FAT3: variants seen among roughly 807,000 people sequenced by gnomAD.
FAT3 encodes the protein FAT atypical cadherin 3.
Under a neutral mutation model 310.2 loss-of-function variants are expected in FAT3, and 95 were observed. The ratio of observed to expected loss-of-function variants is 0.31; its 90% CI spans 0.26 to 0.36. FAT3 has a LOEUF of 0.36. Among genes scored for constraint, FAT3 ranks in the 10% least tolerant of loss-of-function variants. FAT3 has a pLI of 1.00. For missense variants in FAT3, 5,408 were observed against 5,715.6 expected (o/e 0.95, Z 1.74); for synonymous variants, 2,314 against 2,192.9 (o/e 1.06, Z -1.54).
At chr11:92,396,240 G>C (rs1949866278) in intron 2 of FAT3, among the ~76,000 whole-genome samples, 1 of 152,180 alleles carries the variant, frequency 6.6e-6, no homozygotes, top group Non-Finnish European at 1.5e-5. Flanking sequence ...ATATGATCAT[G>C]AATCTACTTT....
In FAT3 at chr11:92,797,772, G is replaced by A. The variant is rs780605890; in HGVS notation, c.4823-64G>A. ...GCAGTAAGGTACCTATAGATAAAGAGTTAATCAAAAAGATTTCAGTGACCC... is the reference window on the plus strand; with the variant it reads ...GCAGTAAGGTACCTATAGATAAAGAATTAATCAAAAAGATTTCAGTGACCC... On this transcript the variant is annotated intron_variant, in intron 9 of 27. Coordinates refer to ENST00000525166, the MANE Select transcript of FAT3 (RefSeq NM_001367949.2). 1.7e-4 allele frequency: 238 copies of A among 1,416,910 alleles called. 1 individual carries two copies. Among genetic ancestry groups the A allele is most frequent in the Middle Eastern group, 5.6e-4 (3 of 5,366 alleles). 87.8% of individuals were successfully genotyped at this position (1,416,910 alleles called of 1,614,324 possible).
At chr11:92,507,586 C>G (rs1449986858) in intron 2 of FAT3, among the ~76,000 whole-genome samples, 1 of 151,532 alleles carries the variant, frequency 6.6e-6, no homozygotes, top group Non-Finnish European at 1.5e-5. Context: ...TATATCTGTA[C>G]ACCCTATATA....
intron 1 of FAT3, among the ~76,000 whole-genome samples, chr11:92,273,187 C>T (rs1337123518): frequency 6.6e-6 from 1 of 152,082 alleles, no homozygotes; most frequent in Non-Finnish European, 1.5e-5. Flanking sequence ...ATTTTACACC[C>T]CCTGCCATTA....
chr11:92,629,672 A>G (rs1941480636), intron 3 of FAT3, among the ~76,000 whole-genome samples: 1 of 151,882 alleles, frequency 6.6e-6, no homozygotes, highest in Non-Finnish European at 1.5e-5. Flanking sequence ...CAGCCTCCCA[A>G]AGTTCTGGGA....
At chr11:92,361,627 TA>T (rs1948884885) in intron 2 of FAT3, among the ~76,000 whole-genome samples, 1 of 152,028 alleles carries the variant, frequency 6.6e-6, no homozygotes, top group Admixed American at 6.6e-5. Flanking sequence ...CTGTGAGCAA[TA>T]TATTTCTGTT....
At chr11:92,229,007 G>A (rs924829097) in intron 1 of FAT3, among the ~76,000 whole-genome samples, 1 of 152,162 alleles carries the variant, frequency 6.6e-6, no homozygotes, top group African/African-American at 2.4e-5. Flanking sequence ...CTTCTTTGCT[G>A]ATTGTGGCAA....
Position 92,890,807 on chromosome 11 carries a change from T to G in FAT3, c.13464T>G (p.Phe4488Leu), listed in dbSNP as rs1169418336. ...LSPDCRRRPQ[F>L]HPSQYLPPHP... ...CAGACTGCAGGAGAAGGCCCCAGTT[T>G]CATCCTAGCCAGTATCTCCCTCCTC... Residue 4488 changes from phenylalanine to leucine, a missense_variant, in exon 28 of 28, where the codon TTT becomes TTG. Physicochemically the swap from Phe to Leu is conservative, Grantham distance 22. Coordinates refer to ENST00000525166, the MANE Select transcript of FAT3 (RefSeq NM_001367949.2). The G allele has an allele frequency of 6.2e-7, 1 of 1,613,500 alleles. No individual in the cohort carries two copies. The highest frequency in any genetic ancestry group is 1.7e-5 in the Admixed American group (1 of 59,954).
intron 3 of FAT3, among the ~76,000 whole-genome samples, chr11:92,651,122 C>T (rs535120883): frequency 1.3e-5 from 2 of 152,340 alleles, no homozygotes; most frequent in South Asian, 4.1e-4. Context: ...TGCTCATCTC[C>T]TATAGTTCCA....
At chr11:92,470,769 GTACTT>G (rs1211254269) in intron 2 of FAT3, among the ~76,000 whole-genome samples, 1 of 152,048 alleles carries the variant, frequency 6.6e-6, no homozygotes, top group Non-Finnish European at 1.5e-5. Context: ...TTGTAATCTG[GTACTT>G]TTCAAAATTC....
At chr11:92,751,968 C>T (rs1421648055) in intron 4 of FAT3, among the ~76,000 whole-genome samples, 1 of 151,912 alleles carries the variant, frequency 6.6e-6, no homozygotes, top group Admixed American at 6.6e-5. Context: ...AAGTGACAAT[C>T]GTAGGTAAAT....
At chr11:92,474,952 G>A (rs1220113788) in intron 2 of FAT3, among the ~76,000 whole-genome samples, 1 of 152,158 alleles carries the variant, frequency 6.6e-6, no homozygotes, top group Non-Finnish European at 1.5e-5. Flanking sequence ...AAGCAATAAT[G>A]GCTTTCTGAT....
intron 3 of FAT3, among the ~76,000 whole-genome samples, chr11:92,617,157 T>G (rs1156933344): frequency 1.3e-5 from 2 of 152,236 alleles, no homozygotes. Context: ...CTTATATTTC[T>G]TGGAGGCTTT....
chr11:92,550,599 A>T (rs572180590), intron 3 of FAT3, among the ~76,000 whole-genome samples: 1 of 152,164 alleles, frequency 6.6e-6, no homozygotes, highest in African/African-American at 2.4e-5. Context: ...TCCCCTGCTA[A>T]GACAGTCATT....
chr11:92,488,631 C>T (rs1390956899), intron 2 of FAT3, among the ~76,000 whole-genome samples: 2 of 151,962 alleles, frequency 1.3e-5, no homozygotes, highest in East Asian at 3.9e-4. Context: ...CCTATACTTT[C>T]AAGTTTCCCT....
At chr11:92,546,107 G>T (rs982984213) in intron 3 of FAT3, among the ~76,000 whole-genome samples, 1 of 152,170 alleles carries the variant, frequency 6.6e-6, no homozygotes, top group African/African-American at 2.4e-5. Context: ...AATGTCGTCT[G>T]CTGTAATGTT....
intron 3 of FAT3, among the ~76,000 whole-genome samples, chr11:92,557,027 T>C (rs1235468543): frequency 6.6e-6 from 1 of 152,068 alleles, no homozygotes; most frequent in Non-Finnish European, 1.5e-5. Context: ...GCTTTGTAAC[T>C]GGTCTCTAAC....
chr11:92,400,256 A>G (rs1949982549), intron 2 of FAT3: 1 of 152,220 alleles, frequency 6.6e-6, no homozygotes, highest in Non-Finnish European at 1.5e-5. Flanking sequence ...AGGTAATGCC[A>G]AAGAAATCCA....
intron 1 of FAT3, among the ~76,000 whole-genome samples, chr11:92,262,032 T>C (rs1301545998): frequency 1.3e-5 from 2 of 152,034 alleles, no homozygotes; most frequent in Non-Finnish European, 2.9e-5. Flanking sequence ...ATAAATGGAC[T>C]CTAGCATTGT....
chr11:92,435,230 C>G (rs1215227767), intron 2 of FAT3, among the ~76,000 whole-genome samples: 13 of 152,148 alleles, frequency 8.5e-5, no homozygotes, highest in Non-Finnish European at 1.0e-4. Context: ...TCCTGATTCC[C>G]TAGCTCAGAA....
Sources: gnomAD v4.1 joint callset for allele counts (sites outside exome capture counted in the v4.1 genomes callset) on GRCh38, gnomAD v4.1.1 for gene constraint, MANE v1.5 for transcripts, NCBI Gene and HGNC (gene_info 2026-07-23, HGNC 2026-07-21) for gene names.